ASB3: variants seen among roughly 807,000 people sequenced by gnomAD.
ASB3 encodes ankyrin repeat and SOCS box protein 3.
ASB3 carries 41 observed loss-of-function variants against 54.5 expected under a neutral mutation model. The observed-to-expected ratio is 0.75, with a 90% CI of 0.59 to 0.98. ASB3 has a LOEUF of 0.98. Among genes scored for constraint, ASB3 ranks in the 50% least tolerant of loss-of-function variants. The pLI, the probability that ASB3 is intolerant of heterozygous loss-of-function variation, is 0.00. For synonymous variants in ASB3, 266 were observed against 221.2 expected, an observed-to-expected ratio of 1.20 and a Z score of -1.80; for missense variants, 733 against 620.0, an observed-to-expected ratio of 1.18 and a Z score of -1.94.
In ASB3 at chr2:53,670,425, A is replaced by T. The variant is rs1667750852; in HGVS notation, c.*78T>A. The T allele has an allele frequency of 6.8e-7, 1 of 1,474,530 alleles. No individual in the cohort carries two copies. The highest frequency in any genetic ancestry group is 9.0e-7 in the Non-Finnish European group (1 of 1,105,016). The allele number at this position is 1,474,530 out of a possible 1,614,324, so 91.3% of individuals were successfully genotyped here. A position where few individuals can be genotyped will look rare whatever the true frequency, so the allele number is the denominator to read the frequency against. ...TCATCTTTTGACTATAAAATCATAA[A>T]AACTTGTACTCTGTGGCTCTTTTGT... On this transcript the variant is annotated 3_prime_UTR_variant, in exon 10 of 10. Coordinates refer to ENST00000263634, the MANE Select transcript of ASB3 (RefSeq NM_016115.5).
At chr2:53,721,115 T>C (rs1461944732) in intron 5 of ASB3, among the ~76,000 whole-genome samples, 1 of 143,958 alleles carries the variant, frequency 6.9e-6, no homozygotes, top group Non-Finnish European at 1.5e-5. Flanking sequence ...AGACCCTGTC[T>C]CCAGAAATAT....
chr2:53,753,095 G>C (rs1446710384), intron 2 of ASB3, among the ~76,000 whole-genome samples: 2 of 151,548 alleles, frequency 1.3e-5, no homozygotes, highest in Non-Finnish European at 2.9e-5. Flanking sequence ...TCCTAGGATA[G>C]CATGCAGACT....
chr2:53,730,266 G>C (rs559421423), intron 3 of ASB3, among the ~76,000 whole-genome samples: 1 of 152,220 alleles, frequency 6.6e-6, no homozygotes, highest in Non-Finnish European at 1.5e-5. Context: ...TATAAAATAA[G>C]TACAAACACA....
intron 6 of ASB3, among the ~76,000 whole-genome samples, chr2:53,714,851 T>C (rs1670299873): frequency 6.6e-6 from 1 of 152,208 alleles, no homozygotes; most frequent in African/African-American, 2.4e-5. Context: ...AAAGGTGCTC[T>C]TTTAATTTTA....
chr2:53,724,869 A>G (rs1670906824), intron 5 of ASB3, among the ~76,000 whole-genome samples: 1 of 152,236 alleles, frequency 6.6e-6, no homozygotes, highest in South Asian at 2.1e-4. Flanking sequence ...AGTGGAAAGC[A>G]GTTTGGAAAT....
intron 3 of ASB3, among the ~76,000 whole-genome samples, chr2:53,730,385 GTATT>G (rs761057494): frequency 6.6e-6 from 1 of 152,134 alleles, no homozygotes; most frequent in Non-Finnish European, 1.5e-5. Flanking sequence ...AGAAATAGTA[GTATT>G]TATAAGAAAG....
chr2:53,765,473 G>A lies in ASB3; in HGVS notation c.100C>T (p.Arg34Ter), dbSNP rs1317747370. Residue 34 changes from arginine to a stop codon, truncating the protein, a stop_gained, in exon 2 of 10, where the codon CGA (arginine) becomes TGA (stop). Coordinates refer to ENST00000263634, the MANE Select transcript of ASB3 (RefSeq NM_016115.5). LOFTEE classifies it high-confidence loss of function. Reference sequence around the variant, plus strand: ...CTGTTATCAGCAACATCGACACTTCGGCCCTTTTTGAGCAGTTTCCTTAAG... The same window carrying A: ...CTGTTATCAGCAACATCGACACTTCAGCCCTTTTTGAGCAGTTTCCTTAAG... ...KVLRKLLKKG[R>*]SVDVADNRGW... is the part of the protein sequence containing the mutation. The A allele has an allele frequency of 1.9e-6, 3 of 1,614,020 alleles. No homozygotes were observed. The highest frequency in any genetic ancestry group is 2.2e-5 in the East Asian group (1 of 44,892).
chr2:53,710,400 A>G (rs1434174729), intron 7 of ASB3, among the ~76,000 whole-genome samples: 4 of 151,836 alleles, frequency 2.6e-5, no homozygotes, highest in Non-Finnish European at 4.4e-5. Flanking sequence ...CATTTTTTCC[A>G]GTGTGTTAGC....
At chr2:53,679,198 A>C (rs1668236481) in intron 9 of ASB3, among the ~76,000 whole-genome samples, 2 of 152,190 alleles carry the variant, frequency 1.3e-5, no homozygotes, top group African/African-American at 2.4e-5. Context: ...AATACAAAGA[A>C]AACTAAGCAA....
chr2:53,729,380 A>T, intron 4 of ASB3, 78 bp downstream of exon 4: 8 of 1,471,306 alleles, frequency 5.4e-6, no homozygotes, highest in Non-Finnish European at 7.5e-6. Context: ...CAGAAAGCAA[A>T]AACTGCATAG....
At chr2:53,726,420 C>T (rs1449522929) in intron 5 of ASB3, among the ~76,000 whole-genome samples, 1 of 151,220 alleles carries the variant, frequency 6.6e-6, no homozygotes, top group Middle Eastern at 3.2e-3. Context: ...ACCACTATGC[C>T]TGGCTAATTT....
chr2:53,729,278 C>T (rs550081925), intron 4 of ASB3, among the ~76,000 whole-genome samples, 180 bp downstream of exon 4: 2 of 152,280 alleles, frequency 1.3e-5, no homozygotes, highest in African/African-American at 4.8e-5. Flanking sequence ...AAAGCTTCCA[C>T]AGCTACTACA....
intron 9 of ASB3, among the ~76,000 whole-genome samples, chr2:53,675,281 A>C (rs1469888185): frequency 6.6e-6 from 1 of 152,230 alleles, no homozygotes; most frequent in Non-Finnish European, 1.5e-5. Flanking sequence ...CACAGAATCC[A>C]ATATATATTT....
intron 5 of ASB3, among the ~76,000 whole-genome samples, chr2:53,725,415 A>G (rs1354399952): frequency 6.6e-6 from 1 of 152,238 alleles, no homozygotes; most frequent in Non-Finnish European, 1.5e-5. Flanking sequence ...ACAAACCTGC[A>G]TGCATACCCT....
chr2:53,752,652 G>T (rs1672582761), intron 2 of ASB3, among the ~76,000 whole-genome samples: 1 of 152,262 alleles, frequency 6.6e-6, no homozygotes, highest in Non-Finnish European at 1.5e-5. Flanking sequence ...GCATTTGGCT[G>T]TCTCCTCTCT....
chr2:53,682,182 G>C (rs1045125295), intron 9 of ASB3, among the ~76,000 whole-genome samples: 2 of 150,570 alleles, frequency 1.3e-5, no homozygotes, highest in Non-Finnish European at 3.0e-5. Flanking sequence ...AAAAAAATTA[G>C]GATTGCTTTT....
intron 1 of ASB3, among the ~76,000 whole-genome samples, chr2:53,776,618 A>G (rs1317759483): frequency 1.3e-5 from 2 of 152,176 alleles, no homozygotes; most frequent in African/African-American, 2.4e-5. Flanking sequence ...GTTAGGAGCT[A>G]GAGACCAGCC....
At chr2:53,756,476 A>C (rs956745575) in intron 2 of ASB3, among the ~76,000 whole-genome samples, 1 of 152,212 alleles carries the variant, frequency 6.6e-6, no homozygotes, top group Non-Finnish European at 1.5e-5. Flanking sequence ...GACTGGGTTA[A>C]GGGATGCCCA....
At chr2:53,748,316 A>G (rs1041209935) in intron 3 of ASB3, 3 of 152,220 alleles carry the variant, frequency 2.0e-5, no homozygotes, top group Non-Finnish European at 1.5e-5. Flanking sequence ...TTTCTTGAGG[A>G]AAGCGGCTAG....
Sources: allele counts gnomAD v4.1 joint callset (sites outside exome capture counted in the v4.1 genomes callset), GRCh38; gene constraint gnomAD v4.1.1; transcripts MANE v1.5; gene names NCBI Gene and HGNC (gene_info 2026-07-23, HGNC 2026-07-21).